The following KMT2C variants were observed in gnomAD, a reference collection of about 807,000 sequenced individuals.
The protein encoded by KMT2C is histone-lysine N-methyltransferase 2C.
A neutral mutation model predicts 507.9 loss-of-function variants in KMT2C; 88 were observed. That is an observed-to-expected ratio of 0.17 (90% confidence interval 0.15 to 0.21). KMT2C has a LOEUF of 0.21. Among genes scored for constraint, KMT2C ranks in the 10% least tolerant of loss-of-function variants. The pLI is 1.00. For missense variants in KMT2C, 4,954 were observed against 5,957.8 expected (o/e 0.83, Z 5.55); for synonymous variants, 2,049 against 2,080.8 (o/e 0.98, Z 0.42).
intron 1 of KMT2C, among the ~76,000 whole-genome samples, chr7:152,383,738 C>A (rs953934205): frequency 6.6e-6 from 1 of 152,186 alleles, no homozygotes; most frequent in African/African-American, 2.4e-5. Flanking sequence ...CTTCTCCCTG[C>A]CGTTTCTGCC....
At chr7:152,298,235 C>A (rs1233554110) in intron 6 of KMT2C, among the ~76,000 whole-genome samples, 1 of 152,044 alleles carries the variant, frequency 6.6e-6, no homozygotes, top group Admixed American at 6.6e-5. Flanking sequence ...AAAAAAAATA[C>A]TTGAAGAAAC....
intron 1 of KMT2C, among the ~76,000 whole-genome samples, chr7:152,380,612 C>T (rs2097365731): frequency 6.6e-6 from 1 of 151,622 alleles, no homozygotes; most frequent in African/African-American, 2.4e-5. Flanking sequence ...GTATTGCGCA[C>T]CTGTATTCCC....
chr7:152,309,601 C>A (rs1459748530), intron 6 of KMT2C, among the ~76,000 whole-genome samples: 1 of 148,658 alleles, frequency 6.7e-6, no homozygotes, highest in African/African-American at 2.5e-5. Context: ...CTACGGGCAA[C>A]CTCCACCTCC....
At position 152,151,601 on chromosome 7, in the gene KMT2C, G is replaced by A. The variant is rs1255364687; in HGVS notation, c.12527-20C>T. ...AAAGACCTAAAGGCAATCAACTTTTGTTAGTAATTAAAACTGACTGATGAC... is the reference window on the plus strand; with the variant it reads ...AAAGACCTAAAGGCAATCAACTTTTATTAGTAATTAAAACTGACTGATGAC... On this transcript the variant is annotated intron_variant, in intron 49 of 58. Coordinates refer to ENST00000262189, the MANE Select transcript of KMT2C (RefSeq NM_170606.3). 1.2e-6 allele frequency: 2 copies of A among 1,609,752 alleles called. No individual in the cohort carries two copies. The highest frequency in any genetic ancestry group is 1.7e-6 in the Non-Finnish European group (2 of 1,177,472).
chr7:152,195,778 C>T (rs1224801286), intron 28 of KMT2C, 129 bp downstream of exon 28: 1 of 546,572 alleles, frequency 1.8e-6, no homozygotes, highest in Non-Finnish European at 3.0e-6. Flanking sequence ...AATGCTGAGT[C>T]CTTTAACAAA....
intron 7 of KMT2C, among the ~76,000 whole-genome samples, chr7:152,270,591 A>G (rs529005780): frequency 1.3e-5 from 2 of 152,162 alleles, no homozygotes; most frequent in Non-Finnish European, 2.9e-5. Context: ...TTCATGAATC[A>G]TGCCAAATCC....
At chr7:152,431,206 G>GGTAAGTTTACATATTAGTAACTAATAT (rs2097859633) in intron 1 of KMT2C, among the ~76,000 whole-genome samples, 2 of 151,368 alleles carry the variant, frequency 1.3e-5, no homozygotes, top group Admixed American at 6.6e-5. Flanking sequence ...TATGTAAATT[G>GGTAAGTTTACATATTAGTAACTAATAT]GTAAGTTTAC....
Position 152,221,987 on chromosome 7 carries a change from A to G in KMT2C, c.3499+14T>C, listed in dbSNP as rs768171705. On this transcript the variant is annotated intron_variant, in intron 22 of 58. Coordinates refer to ENST00000262189, the MANE Select transcript of KMT2C (RefSeq NM_170606.3). ...GTAAATTAATTAAATCAAGTAAAGC[A>G]TTTCAAATTTTACCTAGCTCTTTTA... 1 of 1,582,120 alleles carries G rather than the reference A, an allele frequency of 6.3e-7. No homozygotes were observed. Among genetic ancestry groups the G allele is most frequent in the Non-Finnish European group, 8.6e-7 (1 of 1,158,356 alleles).
intron 18 of KMT2C, among the ~76,000 whole-genome samples, chr7:152,229,578 T>C (rs896794924): frequency 5.3e-5 from 8 of 152,190 alleles, no homozygotes; most frequent in African/African-American, 1.9e-4. Flanking sequence ...AATGGGCTAA[T>C]AATTTTTTAC....
intron 1 of KMT2C, among the ~76,000 whole-genome samples, chr7:152,426,621 T>C (rs2097822242): frequency 6.6e-6 from 1 of 152,210 alleles, no homozygotes; most frequent in African/African-American, 2.4e-5. Context: ...GATTGATAAT[T>C]GATGATTAGT....
chr7:152,252,041 G>T lies in KMT2C; in HGVS notation c.1519C>A (p.Gln507Lys), dbSNP rs1282377704. 6.2e-7 allele frequency: 1 copy of T among 1,612,186 alleles called. No homozygotes were observed. Among genetic ancestry groups the T allele is most frequent in the Non-Finnish European group, 8.5e-7 (1 of 1,178,946 alleles). The change falls in exon 11 of 59, where the codon CAG (glutamine) becomes AAG (lysine). Residue 507 changes from glutamine to lysine, a missense_variant. By Grantham distance (53) the Gln-to-Lys change is moderately conservative (BLOSUM62 1). Around this residue, in one of 29 missense-constraint regions of KMT2C, gnomAD observed 376 missense variants for 352.4 expected, o/e 1.07. Coordinates refer to ENST00000262189, the MANE Select transcript of KMT2C (RefSeq NM_170606.3). The part of the protein sequence containing the change: ...DKPTDHELDT[Q>K]LKEEYICMYC... ...ATGCAGATATACTCTTCTTTGAGCT[G>T]AGTATCCAGTTCATGATCTGTTGGT...
intron 1 of KMT2C, among the ~76,000 whole-genome samples, chr7:152,427,534 T>C (rs1199052311): frequency 6.6e-6 from 1 of 152,220 alleles, no homozygotes; most frequent in Non-Finnish European, 1.5e-5. Context: ...TAAAACTGCA[T>C]GGTAGTCCAT....
At chr7:152,316,892 C>T (rs369124581) in intron 3 of KMT2C, among the ~76,000 whole-genome samples, 2 of 151,800 alleles carry the variant, frequency 1.3e-5, no homozygotes, top group South Asian at 2.1e-4. Context: ...AGACCACCAC[C>T]TTATGCTTTG....
intron 28 of KMT2C, 90 bp from the exon 29 acceptor site, chr7:152,194,658 CAA>C: frequency 1.1e-6 from 1 of 893,000 alleles, no homozygotes; most frequent in Non-Finnish European, 1.7e-6. Context: ...TAGTATATAA[CAA>C]TATGATTAAA....
intron 44 of KMT2C, 66 bp downstream of exon 44, chr7:152,158,797 G>A: frequency 6.9e-7 from 1 of 1,453,024 alleles, no homozygotes; most frequent in Non-Finnish European, 9.7e-7. Context: ...TTACAGGCAT[G>A]AGCCACTGCC....
rs773186070 is a variant in KMT2C at position 152,167,225 on chromosome 7, C to T, written c.9671G>A (p.Arg3224His). The change falls in exon 42 of 59, where the codon CGT becomes CAT. Residue 3224 changes from arginine to histidine, a missense_variant. Coordinates refer to ENST00000262189, the MANE Select transcript of KMT2C (RefSeq NM_170606.3). Reference sequence around the variant, plus strand: ...TTCTGCATCTTCCTCTGGAAATTCACGCCCAGCTTTCTTGGCAGTACGTTG... The same window carrying T: ...TTCTGCATCTTCCTCTGGAAATTCATGCCCAGCTTTCTTGGCAGTACGTTG... ...AKQRTAKKAG[R>H]EFPEEDAEQL... is the part of the protein sequence containing the mutation. The T allele has an allele frequency of 6.8e-6, 11 of 1,614,028 alleles. No homozygotes were observed. The highest frequency in any genetic ancestry group is 2.2e-5 in the East Asian group (1 of 44,896).
chr7:152,179,779 T>C (rs2129117776), intron 37 of KMT2C, 55 bp downstream of exon 37: 1 of 1,514,458 alleles, frequency 6.6e-7, no homozygotes, highest in Non-Finnish European at 9.1e-7. Flanking sequence ...CACACCCAGC[T>C]CTGTTTCCCT....
intron 16 of KMT2C, among the ~76,000 whole-genome samples, chr7:152,231,712 C>T (rs1438506337): frequency 6.6e-6 from 1 of 151,792 alleles, no homozygotes; most frequent in Admixed American, 6.6e-5. Flanking sequence ...ACCCAGGAGG[C>T]AGAGGTTACA....
At chr7:152,211,605 T>C (rs111369729) in intron 23 of KMT2C, among the ~76,000 whole-genome samples, 2 of 152,192 alleles carry the variant, frequency 1.3e-5, no homozygotes, top group African/African-American at 4.8e-5. Flanking sequence ...ATGAGGTTCA[T>C]AGTGACACCA....
Sources: gnomAD v4.1 joint callset for allele counts (sites outside exome capture counted in the v4.1 genomes callset) on GRCh38, gnomAD v4.1.1 for gene constraint, gnomAD v4.1.1 regional missense constraint, MANE v1.5 for transcripts, NCBI Gene and HGNC (gene_info 2026-07-23, HGNC 2026-07-21) for gene names.